Variants in ACOT11 observed in about 807,000 individuals in gnomAD.
ACOT11 encodes the protein acyl-CoA thioesterase 11, also known as acyl-coenzyme A thioesterase 11.
Under a neutral mutation model 77.5 loss-of-function variants are expected in ACOT11, and 69 were observed. That is an observed-to-expected ratio of 0.89 (90% CI 0.73 to 1.09). The LOEUF (loss-of-function observed/expected upper bound fraction) is 1.09, where lower values mean the gene tolerates loss of function less well. ACOT11 is among the 50% of genes least tolerant of loss of function. The pLI is 0.00. For synonymous variants in ACOT11, 279 were observed against 313.0 expected (o/e 0.89, Z 1.15); for missense variants, 766 against 813.7 (o/e 0.94, Z 0.71).
At chr1:54,622,799 A>G (rs1178078626) in intron 15 of ACOT11, among the ~76,000 whole-genome samples, 2 of 151,702 alleles carry the variant, frequency 1.3e-5, no homozygotes, top group Non-Finnish European at 2.9e-5. Flanking sequence ...TCTGCTGGGG[A>G]TGAAGTCATG....
chr1:54,634,117 T>C (rs1046806876), intron 16 of ACOT11, among the ~76,000 whole-genome samples: 2 of 152,214 alleles, frequency 1.3e-5, no homozygotes, highest in African/African-American at 2.4e-5. Flanking sequence ...GAAAAATTAC[T>C]GTCCCTCTCA....
At chr1:54,615,464 G>A (rs1479918946) in intron 15 of ACOT11, among the ~76,000 whole-genome samples, 1 of 152,164 alleles carries the variant, frequency 6.6e-6, no homozygotes, top group Non-Finnish European at 1.5e-5. Flanking sequence ...GTGCGTGTGT[G>A]TGGTCATGGT....
intron 15 of ACOT11, chr1:54,623,246 C>A (rs1268047761): frequency 6.9e-7 from 1 of 1,458,152 alleles, no homozygotes; most frequent in South Asian, 1.1e-5. Context: ...ATGAGGGAAG[C>A]CACTCAGGAT....
intron 5 of ACOT11, 147 bp from the exon 6 acceptor site, chr1:54,594,409 G>A (rs1453392751): frequency 6.3e-6 from 7 of 1,106,870 alleles, no homozygotes; most frequent in Non-Finnish European, 3.8e-6. Context: ...GGAAGATGGG[G>A]CAAAGAGGGA....
intron 4 of ACOT11, 72 bp from the exon 5 acceptor site, chr1:54,593,869 G>A (rs1654800993): frequency 7.7e-7 from 1 of 1,303,402 alleles, no homozygotes; most frequent in Non-Finnish European, 1.1e-6. Flanking sequence ...GCTGTCTGGT[G>A]GAGCTGCGGG....
chr1:54,609,702 A>C lies in ACOT11; in HGVS notation c.*590A>C. On this transcript the variant is annotated 3_prime_UTR_variant, in exon 16 of 16. Transcript: ENST00000343744. Reference sequence around the variant, plus strand: ...CCGTGGGAGATTTTGGCCCCAACCCACACAGGCCAATGCAAGAGGCCAAGG... The same window carrying C: ...CCGTGGGAGATTTTGGCCCCAACCCCCACAGGCCAATGCAAGAGGCCAAGG... 3 of 1,614,088 alleles carry C rather than the reference A, an allele frequency of 1.9e-6. No individual in the cohort carries two copies. The highest frequency in any genetic ancestry group is 2.5e-6 in the Non-Finnish European group (3 of 1,180,022).
intron 1 of ACOT11, among the ~76,000 whole-genome samples, chr1:54,583,441 C>G (rs1654390251): frequency 6.6e-6 from 1 of 152,178 alleles, no homozygotes; most frequent in Admixed American, 6.5e-5. Flanking sequence ...AGAGCTACCA[C>G]TGCCAGCATC....
At chr1:54,602,386 C>T (rs1250807430) in intron 9 of ACOT11, among the ~76,000 whole-genome samples, 2 of 152,156 alleles carry the variant, frequency 1.3e-5, no homozygotes, top group African/African-American at 4.8e-5. Flanking sequence ...TGTGGACTCT[C>T]ATTACCATTG....
chr1:54,561,184 A>C, intron 1 of ACOT11, among the ~76,000 whole-genome samples: 1 of 140,234 alleles, frequency 7.1e-6, no homozygotes, highest in Non-Finnish European at 1.5e-5. Flanking sequence ...ACAATAGTGG[A>C]GGGAAGGTCA....
At chr1:54,603,991 T>G in intron 11 of ACOT11, 54 bp downstream of exon 11, 1 of 1,530,448 alleles carries the variant, frequency 6.5e-7, no homozygotes, top group Non-Finnish European at 9.1e-7. Context: ...GCCCCCACCC[T>G]TCCCTGCTTG....
chr1:54,589,317 C>A (rs1283246123), intron 3 of ACOT11, among the ~76,000 whole-genome samples: 1 of 124,400 alleles, frequency 8.0e-6, no homozygotes, highest in Admixed American at 8.5e-5. Flanking sequence ...ATGCCTGGCC[C>A]TTTTTTTTTT....
intron 4 of ACOT11, 39 bp downstream of exon 4, chr1:54,592,645 G>A (rs998328051): frequency 1.2e-6 from 2 of 1,605,214 alleles, no homozygotes; most frequent in South Asian, 1.1e-5. Context: ...GGGTGCGTGG[G>A]TGGGTCCTCT....
At chr1:54,562,848 TGGC>T (rs1188174794) in intron 1 of ACOT11, among the ~76,000 whole-genome samples, 1 of 113,348 alleles carries the variant, frequency 8.8e-6, no homozygotes, top group African/African-American at 3.6e-5. Flanking sequence ...CTAGATGTGA[TGGC>T]GGCTGGGAAG....
At chr1:54,592,410 G>A (rs1320509273) in intron 3 of ACOT11, 136 bp from the exon 4 acceptor site, 6 of 755,966 alleles carry the variant, frequency 7.9e-6, no homozygotes, top group African/African-American at 3.6e-5. Flanking sequence ...TGGTGGTATC[G>A]CAGATGTGAA....
At chr1:54,559,925 C>T (rs1653404735) in intron 1 of ACOT11, among the ~76,000 whole-genome samples, 1 of 152,248 alleles carries the variant, frequency 6.6e-6, no homozygotes, top group Non-Finnish European at 1.5e-5. Flanking sequence ...GAACTGACAC[C>T]TCTGCCTTAT....
chr1:54,566,693 G>A (rs964305329), intron 1 of ACOT11, among the ~76,000 whole-genome samples: 2 of 152,166 alleles, frequency 1.3e-5, no homozygotes, highest in African/African-American at 4.8e-5. Context: ...ACTTAGTGGT[G>A]GATGGGCTGA....
chr1:54,562,313 G>A (rs1653542204), intron 1 of ACOT11, among the ~76,000 whole-genome samples: 1 of 109,206 alleles, frequency 9.2e-6, no homozygotes, highest in African/African-American at 4.1e-5. Context: ...GCCGGGTGGG[G>A]GGGCTGACCC....
At chr1:54,619,541 A>C (rs1166565715) in intron 15 of ACOT11, among the ~76,000 whole-genome samples, 2 of 152,100 alleles carry the variant, frequency 1.3e-5, no homozygotes, top group Non-Finnish European at 2.9e-5. Flanking sequence ...TGAAGTGCAG[A>C]TTTCTGGCTT....
At chr1:54,594,478 A>G in intron 5 of ACOT11, 78 bp from the exon 6 acceptor site, 3 of 1,516,726 alleles carry the variant, frequency 2.0e-6, no homozygotes, top group Non-Finnish European at 2.7e-6. Context: ...CGGGCATGGC[A>G]TGGTGCTGGG....
Sources: allele counts gnomAD v4.1 joint callset (sites outside exome capture counted in the v4.1 genomes callset), GRCh38; gene constraint gnomAD v4.1.1; transcripts MANE v1.5; gene names NCBI Gene and HGNC (gene_info 2026-07-23, HGNC 2026-07-21).